ARHGEF4: variants seen among roughly 807,000 people sequenced by gnomAD.
ARHGEF4 encodes Rho guanine nucleotide exchange factor 4.
Under a neutral mutation model 162.0 loss-of-function variants are expected in ARHGEF4, and 119 were observed. The observed-to-expected ratio is 0.73, with a 90% CI of 0.63 to 0.86. The LOEUF is 0.86. ARHGEF4 is among the 40% of genes least tolerant of loss of function. ARHGEF4 has a pLI of 0.00. For missense variants in ARHGEF4, 2,488 were observed against 2,456.0 expected, an observed-to-expected ratio of 1.01 and a Z score of -0.28; for synonymous variants, 1,014 against 979.9, an observed-to-expected ratio of 1.03 and a Z score of -0.65.
chr2:130,837,996 G>C (rs1038298811), intron 1 of ARHGEF4, among the ~76,000 whole-genome samples: 4 of 152,372 alleles, frequency 2.6e-5, no homozygotes, highest in African/African-American at 9.6e-5. Flanking sequence ...GGGCAGACCT[G>C]CAGGAGCCCT....
Position 130,916,724 on chromosome 2 carries a change from GAA to G in ARHGEF4, c.2780_2781del (p.Lys927ArgfsTer5), listed in dbSNP as rs1681521603. Reference sequence around the variant, plus strand: ...ACTTTATTGAGTCAATAGTTCTAGAGAAAGAGAACACCCATGAACGTTCCCCA... The same window carrying G: ...ACTTTATTGAGTCAATAGTTCTAGAGAGAGAACACCCATGAACGTTCCCCA... The part of the protein sequence containing the change: ...SNFIESIVLE[K>X]ENTHERSPSS... On this transcript the variant is annotated frameshift_variant, in exon 2 of 14. Coordinates refer to ENST00000409359, the MANE Select transcript of ARHGEF4 (RefSeq NM_001367493.1). LOFTEE classifies it high-confidence loss of function. The G allele has an allele frequency of 6.4e-7, 1 of 1,550,576 alleles. No homozygotes were observed. The highest frequency in any genetic ancestry group is 1.4e-5 in the African/African-American group (1 of 73,060).
chr2:131,008,394 A>G (rs183067982), intron 4 of ARHGEF4, among the ~76,000 whole-genome samples: 3 of 152,334 alleles, frequency 2.0e-5, no homozygotes, highest in Admixed American at 1.3e-4. Context: ...GTGCACCAAT[A>G]ATAAATGTAT....
At chr2:130,898,419 G>T (rs750165153) in intron 1 of ARHGEF4, among the ~76,000 whole-genome samples, 3 of 152,200 alleles carry the variant, frequency 2.0e-5, no homozygotes, top group Admixed American at 6.5e-5. Context: ...GCGATTGGAC[G>T]CTGCATCTTT....
At chr2:131,013,932 A>C (rs1171776429) in intron 4 of ARHGEF4, among the ~76,000 whole-genome samples, 1 of 152,232 alleles carries the variant, frequency 6.6e-6, no homozygotes, top group Non-Finnish European at 1.5e-5. Flanking sequence ...CTCAGCTATA[A>C]TCTACCATGA....
chr2:130,920,229 C>T (rs1681792031), intron 2 of ARHGEF4, among the ~76,000 whole-genome samples: 1 of 152,216 alleles, frequency 6.6e-6, no homozygotes, highest in South Asian at 2.1e-4. Flanking sequence ...TTGCCTCAGC[C>T]TCCCAAGTTG....
In ARHGEF4 at chr2:131,038,969, C is replaced by T; in HGVS notation, c.4242C>T (p.Asn1414=). 6.2e-7 allele frequency: 1 copy of T among 1,613,774 alleles called. No homozygotes were observed. The highest frequency in any genetic ancestry group is 8.5e-7 in the Non-Finnish European group (1 of 1,180,004). The change falls in exon 6 of 14, where the codon AAC becomes AAT. Residue 1414 remains asparagine (N), a synonymous_variant. Coordinates refer to ENST00000409359, the MANE Select transcript of ARHGEF4 (RefSeq NM_001367493.1). ...TCATCGAAGTGATGGATGCCACCAA[C>T]AGAGAGTGGTGGTGGGGCCGGGTCG... ...GDVIEVMDAT[N]REWWWGRVAD...
At chr2:131,043,732 C>A in intron 11 of ARHGEF4, 149 bp downstream of exon 11, 1 of 845,720 alleles carries the variant, frequency 1.2e-6, no homozygotes, top group Non-Finnish European at 1.6e-6. Flanking sequence ...TGGGGTGGCT[C>A]TCTGCAGGTG....
intron 5 of ARHGEF4, chr2:131,035,748 C>A: frequency 1.0e-6 from 1 of 985,470 alleles, no homozygotes; most frequent in Non-Finnish European, 1.2e-6. Flanking sequence ...CAGAGCCCCT[C>A]TGCCCCCCTT....
At chr2:130,995,658 C>T (rs907175990) in intron 4 of ARHGEF4, among the ~76,000 whole-genome samples, 10 of 152,066 alleles carry the variant, frequency 6.6e-5, no homozygotes, top group African/African-American at 2.4e-4. Context: ...TTGCTTCTGC[C>T]AAGGAACTCT....
chr2:130,955,773 C>T (rs1215373367), intron 4 of ARHGEF4, among the ~76,000 whole-genome samples: 2 of 152,196 alleles, frequency 1.3e-5, no homozygotes, highest in African/African-American at 2.4e-5. Context: ...AAGGGCTCCT[C>T]CCAGCTACCT....
chr2:130,943,841 GA>G (rs1683448147), intron 3 of ARHGEF4, among the ~76,000 whole-genome samples: 1 of 152,114 alleles, frequency 6.6e-6, no homozygotes, highest in Non-Finnish European at 1.5e-5. Context: ...CTTAAGAGGA[GA>G]AAAATGGTGT....
chr2:130,972,896 A>C (rs1371743139), intron 4 of ARHGEF4, among the ~76,000 whole-genome samples: 1 of 152,258 alleles, frequency 6.6e-6, no homozygotes, highest in African/African-American at 2.4e-5. Flanking sequence ...CTTTCAAAGA[A>C]GATAGTTAAC....
chr2:130,879,247 G>A (rs1415626260), intron 1 of ARHGEF4, among the ~76,000 whole-genome samples: 2 of 152,134 alleles, frequency 1.3e-5, no homozygotes, highest in Non-Finnish European at 2.9e-5. Flanking sequence ...TTTTAATTAT[G>A]TATTAATTTG....
chr2:130,967,909 T>C (rs1685102902), intron 4 of ARHGEF4, among the ~76,000 whole-genome samples: 1 of 152,220 alleles, frequency 6.6e-6, no homozygotes, highest in South Asian at 2.1e-4. Context: ...TGGAATCACA[T>C]GGACGATGCT....
In ARHGEF4 at chr2:130,915,212, T is replaced by C. The variant is rs1029752778; in HGVS notation, c.1266T>C (p.Gly422=). 5.2e-6 allele frequency: 8 copies of C among 1,550,384 alleles called. No homozygotes were observed. The African/African-American group carries it at 6.8e-5, about 13-fold the overall frequency. Residue 422 remains glycine (G), a synonymous_variant, in exon 2 of 14, where the codon GGT becomes GGC. Transcript: ENST00000409359. ...QRASQDTPSA[G]LLGENQLRQD... ...CCTCTCAGGACACTCCTTCTGCAGG[T>C]CTCCTGGGGGAAAACCAGTTAAGAC... is the stretch of plus-strand genomic sequence containing the variant.
chr2:131,038,225 C>T (rs956601937), intron 5 of ARHGEF4, among the ~76,000 whole-genome samples: 4 of 151,900 alleles, frequency 2.6e-5, no homozygotes, highest in Non-Finnish European at 5.9e-5. Context: ...CAGCCCCCAG[C>T]CCCTCCCTCC....
At chr2:130,990,480 A>G (rs1686870926) in intron 4 of ARHGEF4, among the ~76,000 whole-genome samples, 1 of 152,066 alleles carries the variant, frequency 6.6e-6, no homozygotes, top group African/African-American at 2.4e-5. Context: ...GTGCACTGGG[A>G]AAGAACTTCC....
At chr2:130,952,312 TTTC>T (rs1392384346) in intron 4 of ARHGEF4, among the ~76,000 whole-genome samples, 3 of 152,216 alleles carry the variant, frequency 2.0e-5, no homozygotes, top group African/African-American at 7.2e-5. Context: ...GTTGCCAAGA[TTTC>T]TTTTTTAAAA....
intron 5 of ARHGEF4, among the ~76,000 whole-genome samples, chr2:131,030,403 GCCTGTTTGGT>G (rs1193533828): frequency 6.6e-6 from 1 of 152,184 alleles, no homozygotes; most frequent in East Asian, 1.9e-4. Flanking sequence ...TTGTGTAAGC[GCCTGTTTGGT>G]CCTGTTTGGT....
Sources: allele counts gnomAD v4.1 joint callset (sites outside exome capture counted in the v4.1 genomes callset), GRCh38; gene constraint gnomAD v4.1.1; transcripts MANE v1.5; gene names NCBI Gene and HGNC (gene_info 2026-07-23, HGNC 2026-07-21).